The following POM121C variants were observed in gnomAD, a reference collection of about 807,000 sequenced individuals.
The protein encoded by POM121C is nuclear envelope pore membrane protein POM 121C.
Under a neutral mutation model 66.4 loss-of-function variants are expected in POM121C, and 20 were observed. The observed-to-expected ratio is 0.30, with a 90% CI of 0.21 to 0.44. POM121C has a LOEUF of 0.44. POM121C is among the 20% of genes least tolerant of loss of function. The pLI is 1.00. For missense variants in POM121C, 580 were observed against 1,225.7 expected (o/e 0.47, Z 7.87); for synonymous variants, 286 against 528.0 (o/e 0.54, Z 6.28).
chr7:75,442,319 G>T (rs1429172064), intron 3 of POM121C: 1 of 1,415,596 alleles, frequency 7.1e-7, no homozygotes, highest in South Asian at 1.5e-5. Context: ...GGCGGGCTGC[G>T]GCGGCCCGGG....
At chr7:75,475,731 C>G (rs1445119650) in intron 1 of POM121C, among the ~76,000 whole-genome samples, 1 of 151,686 alleles carries the variant, frequency 6.6e-6, no homozygotes, top group African/African-American at 2.4e-5. Flanking sequence ...TCTCAAACAT[C>G]TCAATCTCAC....
At chr7:75,440,171 T>C (rs1483932126) in intron 5 of POM121C, among the ~76,000 whole-genome samples, 2 of 151,958 alleles carry the variant, frequency 1.3e-5, no homozygotes, top group Non-Finnish European at 2.9e-5. Flanking sequence ...GTGAGCCACC[T>C]TGCCCTGCCA....
Position 75,430,804 on chromosome 7 carries a change from C to T in POM121C, c.481-4351G>A, listed in dbSNP as rs587662690. On this transcript the variant is annotated intron_variant, in intron 7 of 14. Coordinates refer to ENST00000615331, the MANE Select transcript of POM121C (RefSeq NM_001099415.3). ...TAGAAAAGAGCCAAGAGGCCAGGCG[C>T]GGTGGCTCATGCCTGTAATCCCAGA... 1.2e-3 allele frequency among the ~76,000 whole-genome samples: 182 copies of T among 152,070 alleles called. 3 individuals are homozygous for T. Among genetic ancestry groups the T allele is most frequent in the South Asian group, 0.011 (51 of 4,824 alleles).
At chr7:75,429,593 T>A (rs776549804) in intron 7 of POM121C, among the ~76,000 whole-genome samples, 51 of 152,322 alleles carry the variant, frequency 3.3e-4, no homozygotes, top group Non-Finnish European at 5.7e-4. Flanking sequence ...ATTGTGCCAC[T>A]GCACTCCAGC....
intron 3 of POM121C, among the ~76,000 whole-genome samples, chr7:75,462,061 A>G (rs1322488193): frequency 6.9e-6 from 1 of 145,538 alleles, no homozygotes; most frequent in Non-Finnish European, 1.5e-5. Context: ...GGTTTACAAT[A>G]ACCAGATCAT....
At chr7:75,427,059 A>G (rs1386872122) in intron 7 of POM121C, among the ~76,000 whole-genome samples, 2 of 149,454 alleles carry the variant, frequency 1.3e-5, no homozygotes, top group East Asian at 4.0e-4. Flanking sequence ...ATTAAAGAAG[A>G]CAACCCAGTA....
chr7:75,423,736 C>A (rs1438393312), intron 12 of POM121C, among the ~76,000 whole-genome samples: 2 of 152,150 alleles, frequency 1.3e-5, no homozygotes, highest in Non-Finnish European at 2.9e-5. Context: ...GCAAGGATAT[C>A]CTGACCACGC....
intron 7 of POM121C, among the ~76,000 whole-genome samples, chr7:75,433,409 G>A (rs1311462840): frequency 2.0e-5 from 3 of 151,908 alleles, no homozygotes; most frequent in Non-Finnish European, 4.4e-5. Context: ...AGGCTGGAGT[G>A]TAGTGGCGCG....
At chr7:75,466,733 T>A (rs1463577628) in intron 3 of POM121C, among the ~76,000 whole-genome samples, 3 of 150,054 alleles carry the variant, frequency 2.0e-5, no homozygotes, top group African/African-American at 7.4e-5. Context: ...AAGAAATCCC[T>A]AGCCAGACTA....
chr7:75,468,641 T>A (rs2116507121), intron 3 of POM121C, among the ~76,000 whole-genome samples: 1 of 152,166 alleles, frequency 6.6e-6, no homozygotes, highest in East Asian at 1.9e-4. Flanking sequence ...TTTATCTTCA[T>A]CTCAATCTCA....
chr7:75,468,571 G>A (rs1448440468), intron 3 of POM121C, among the ~76,000 whole-genome samples: 1 of 152,066 alleles, frequency 6.6e-6, no homozygotes, highest in East Asian at 1.9e-4. Context: ...CACCCACCTT[G>A]GCCTCCCAAA....
intron 1 of POM121C, among the ~76,000 whole-genome samples, chr7:75,477,108 T>TACACACACACACACAC (rs782006486): frequency 4.6e-4 from 17 of 37,166 alleles, no homozygotes; most frequent in Non-Finnish European, 2.5e-4. Context: ...AGTTTGCGTG[T>TACACACACACACACAC]ATACACACAC....
At chr7:75,434,424 G>A (rs78299880) in intron 7 of POM121C, among the ~76,000 whole-genome samples, 2 of 151,342 alleles carry the variant, frequency 1.3e-5, no homozygotes, top group Non-Finnish European at 2.9e-5. Flanking sequence ...ATAGGCACAC[G>A]CCACCACACC....
intron 1 of POM121C, among the ~76,000 whole-genome samples, chr7:75,476,462 G>C (rs1228749804): frequency 6.6e-6 from 1 of 152,064 alleles, no homozygotes; most frequent in African/African-American, 2.4e-5. Flanking sequence ...TATTTATAAA[G>C]AACATATCAA....
intron 13 of POM121C, 139 bp downstream of exon 13, chr7:75,421,370 A>C: frequency 6.7e-7 from 1 of 1,494,336 alleles, no homozygotes; most frequent in Non-Finnish European, 8.9e-7. Context: ...AACATGTATC[A>C]TGCCCTGGCA....
rs1554474022 is a variant in POM121C, at chr7:75,441,610, G to C, written c.-114C>G. ...TGATGGATCGGATAGCGTCTTCGAG[G>C]TGTTATTACAAACCGATCTGGTAAA... On this transcript the variant is annotated 5_prime_UTR_variant, in exon 4 of 15. Transcript: ENST00000615331. The C allele has an allele frequency of 4.4e-6, 7 of 1,578,746 alleles. No individual in the cohort carries two copies. The highest frequency in any genetic ancestry group is 5.2e-6 in the Non-Finnish European group (6 of 1,161,514).
intron 3 of POM121C, among the ~76,000 whole-genome samples, chr7:75,454,616 G>A (rs1191657644): frequency 1.3e-5 from 2 of 152,182 alleles, no homozygotes; most frequent in African/African-American, 2.4e-5. Flanking sequence ...AAAGCTGCAT[G>A]GTCTAGATCC....
At chr7:75,468,547 A>G (rs13225121) in intron 3 of POM121C, among the ~76,000 whole-genome samples, 2 of 151,958 alleles carry the variant, frequency 1.3e-5, no homozygotes, top group South Asian at 2.1e-4. Context: ...TCACACTCCC[A>G]ACCTCAGGTG....
intron 1 of POM121C, among the ~76,000 whole-genome samples, chr7:75,475,412 AC>A (rs1792038552): frequency 6.6e-6 from 1 of 152,148 alleles, no homozygotes; most frequent in Non-Finnish European, 1.5e-5. Flanking sequence ...TTGCAACTGA[AC>A]TGAGTTTTGG....
Sources: allele counts gnomAD v4.1 joint callset (sites outside exome capture counted in the v4.1 genomes callset), GRCh38; gene constraint gnomAD v4.1.1; transcripts MANE v1.5; gene names NCBI Gene and HGNC (gene_info 2026-07-23, HGNC 2026-07-21).